EDIL3: variants seen among roughly 807,000 people sequenced by gnomAD.
The protein encoded by EDIL3 is EGF like and discoidin domains 3, also known as EGF-like repeat and discoidin I-like domain-containing protein 3.
EDIL3 carries 37 observed loss-of-function variants against 67.4 expected under a neutral mutation model. That is an observed-to-expected ratio of 0.55 (90% CI 0.42 to 0.72). The LOEUF (loss-of-function observed/expected upper bound fraction) is 0.72, where lower values mean the gene tolerates loss of function less well. Among genes scored for constraint, EDIL3 ranks in the 30% least tolerant of loss-of-function variants. EDIL3 has a pLI of 0.00. For missense variants in EDIL3, 527 were observed against 586.3 expected (o/e 0.90, Z 1.04); for synonymous variants, 195 against 196.3 (o/e 0.99, Z 0.05).
At chr5:84,130,870 A>G (rs967953057) in intron 5 of EDIL3, among the ~76,000 whole-genome samples, 1 of 152,126 alleles carries the variant, frequency 6.6e-6, no homozygotes, top group African/African-American at 2.4e-5. Context: ...CACAGCAACT[A>G]TCTCCTATAA....
chr5:84,200,647 A>C (rs556700483), intron 3 of EDIL3, among the ~76,000 whole-genome samples: 2 of 152,178 alleles, frequency 1.3e-5, no homozygotes, highest in East Asian at 3.9e-4. Context: ...CATTTGTTTT[A>C]ACAAAACTAA....
At chr5:84,245,734 T>C (rs1489292838) in intron 2 of EDIL3, among the ~76,000 whole-genome samples, 1 of 152,082 alleles carries the variant, frequency 6.6e-6, no homozygotes, top group Non-Finnish European at 1.5e-5. Context: ...TTTCCAGAGA[T>C]TAATGCTAAA....
chr5:83,978,385 G>A (rs1012028869), intron 9 of EDIL3, among the ~76,000 whole-genome samples: 2 of 151,886 alleles, frequency 1.3e-5, no homozygotes, highest in African/African-American at 4.8e-5. Flanking sequence ...TATAACATAT[G>A]TCATAAATGA....
At chr5:84,355,215 G>A (rs992840500) in intron 1 of EDIL3, among the ~76,000 whole-genome samples, 2 of 151,634 alleles carry the variant, frequency 1.3e-5, no homozygotes, top group African/African-American at 2.4e-5. Context: ...TTGTCTTCAC[G>A]CTTTATTTCA....
In EDIL3 at chr5:84,120,273, G is replaced by C. The variant is rs182324591; in HGVS notation, c.470-13443C>G. ...GTGTGGCTTTTATTTTGATACAGAA[G>C]TCAAGTGGGTGGCAATATCCACTTA... On this transcript the variant is annotated intron_variant, in intron 5 of 10. Coordinates refer to ENST00000296591, the MANE Select transcript of EDIL3 (RefSeq NM_005711.5). 1.2e-3 allele frequency among the ~76,000 whole-genome samples: 181 copies of C among 152,002 alleles called. 1 individual carries two copies. Among genetic ancestry groups the C allele is most frequent in the African/African-American group, 4.3e-3 (178 of 41,516 alleles).
chr5:84,130,151 C>A (rs746868702), intron 5 of EDIL3, among the ~76,000 whole-genome samples: 24 of 152,122 alleles, frequency 1.6e-4, no homozygotes, highest in Non-Finnish European at 3.1e-4. Context: ...ATGCCACTTT[C>A]CTAACTCCCC....
At position 84,125,155 on chromosome 5, in the gene EDIL3, C is replaced by T. The variant is rs572204942; in HGVS notation, c.469+12086G>A. ...ACCCGAGTAGTATGTAAACCTTCAT[C>T]GTAATGTGGTTAACATACAAACTTG... On this transcript the variant is annotated intron_variant, in intron 5 of 10. Transcript: ENST00000296591. Among the ~76,000 whole-genome samples the T allele has an allele frequency of 6.2e-4, 95 of 152,020 alleles. No individual in the cohort carries two copies. The South Asian group carries it at 0.019, about 31-fold the overall frequency.
chr5:84,377,945 A>T (rs1748000637), intron 1 of EDIL3, among the ~76,000 whole-genome samples: 1 of 152,236 alleles, frequency 6.6e-6, no homozygotes, highest in Non-Finnish European at 1.5e-5. Context: ...ATTCCTACAC[A>T]GTTACTATCA....
chr5:84,009,953 C>G (rs949866523), intron 9 of EDIL3, among the ~76,000 whole-genome samples: 12 of 152,214 alleles, frequency 7.9e-5, no homozygotes, highest in Admixed American at 7.2e-4. Flanking sequence ...CTTTATGTTT[C>G]ATTGGTAATG....
At chr5:84,343,457 CT>C (rs1561263309) in intron 1 of EDIL3, among the ~76,000 whole-genome samples, 1 of 151,826 alleles carries the variant, frequency 6.6e-6, no homozygotes, top group African/African-American at 2.4e-5. Context: ...AATGAATTGC[CT>C]TTTTTTAGGG....
chr5:84,319,506 A>C (rs1746587033), intron 1 of EDIL3, among the ~76,000 whole-genome samples: 1 of 69,374 alleles, frequency 1.4e-5, no homozygotes, highest in Non-Finnish European at 3.5e-5. Flanking sequence ...AAAAAAAAAA[A>C]AAAAAAAAAA....
At chr5:83,993,152 T>G (rs1053550722) in intron 9 of EDIL3, among the ~76,000 whole-genome samples, 1 of 152,206 alleles carries the variant, frequency 6.6e-6, no homozygotes, top group Non-Finnish European at 1.5e-5. Flanking sequence ...AAAACCTTAA[T>G]TATTGTAAGG....
At chr5:84,310,780 T>C (rs1746371336) in intron 1 of EDIL3, among the ~76,000 whole-genome samples, 1 of 152,194 alleles carries the variant, frequency 6.6e-6, no homozygotes, top group Non-Finnish European at 1.5e-5. Flanking sequence ...GTCACGCGTA[T>C]GGAGCTCCAT....
chr5:84,227,289 T>C (rs1412499061), intron 3 of EDIL3, among the ~76,000 whole-genome samples: 7 of 151,928 alleles, frequency 4.6e-5, no homozygotes, highest in African/African-American at 1.7e-4. Flanking sequence ...GACAGACACT[T>C]ATCAAAAGAA....
intron 9 of EDIL3, among the ~76,000 whole-genome samples, chr5:84,019,116 T>A (rs954593698): frequency 6.6e-6 from 1 of 152,172 alleles, no homozygotes; most frequent in Non-Finnish European, 1.5e-5. Context: ...TGCGGCACTA[T>A]TCAGAACAGC....
At chr5:84,130,371 T>C (rs1747942215) in intron 5 of EDIL3, among the ~76,000 whole-genome samples, 1 of 152,190 alleles carries the variant, frequency 6.6e-6, no homozygotes, top group African/African-American at 2.4e-5. Flanking sequence ...TATTCATGTA[T>C]GTTCTTGTAA....
chr5:84,260,133 A>T (rs546176415), intron 1 of EDIL3, among the ~76,000 whole-genome samples: 1 of 152,212 alleles, frequency 6.6e-6, no homozygotes, highest in Non-Finnish European at 1.5e-5. Flanking sequence ...TCACATATTC[A>T]TATGCCACAA....
chr5:84,079,457 CTCAG>C lies in EDIL3; in HGVS notation c.652-12855_652-12852del, dbSNP rs546356826. ...AAGAGTGTGCAGTAACTGTAGAATACTCAGTCAGTGTCCACTGAATAACTGGTTG... is the reference window on the plus strand; with the variant it reads ...AAGAGTGTGCAGTAACTGTAGAATACTCAGTGTCCACTGAATAACTGGTTG... On this transcript the variant is annotated intron_variant, in intron 6 of 10. Transcript: ENST00000296591. Among the ~76,000 whole-genome samples, 660 of 152,028 alleles carry C rather than the reference CTCAG, an allele frequency of 4.3e-3. 4 individuals carry two copies. Among genetic ancestry groups the C allele is most frequent in the African/African-American group, 0.015 (635 of 41,460 alleles).
chr5:84,366,412 G>A (rs765096144), intron 1 of EDIL3, among the ~76,000 whole-genome samples: 1 of 152,124 alleles, frequency 6.6e-6, no homozygotes, highest in Non-Finnish European at 1.5e-5. Flanking sequence ...ACCAAAGTTA[G>A]TAATCCGTTG....
Sources: allele counts gnomAD v4.1 joint callset (sites outside exome capture counted in the v4.1 genomes callset), GRCh38; gene constraint gnomAD v4.1.1; transcripts MANE v1.5; gene names NCBI Gene and HGNC (gene_info 2026-07-23, HGNC 2026-07-21).